ST8SIA6: variants seen among roughly 807,000 people sequenced by gnomAD.
ST8SIA6 encodes the protein alpha-2,8-sialyltransferase 8F.
In ST8SIA6, 39 loss-of-function variants were observed where a neutral mutation model predicts 33.6. The ratio of observed to expected loss-of-function variants is 1.16; its 90% confidence interval spans 0.90 to 1.52. The LOEUF is 1.52. Among genes scored for constraint, ST8SIA6 ranks in the 40% most tolerant of loss-of-function variants. ST8SIA6 has a pLI of 0.00. For synonymous variants in ST8SIA6, 172 were observed against 167.2 expected, an observed-to-expected ratio of 1.03 and a Z score of -0.22; for missense variants, 441 against 443.8, an observed-to-expected ratio of 0.99 and a Z score of 0.06.
chr10:17,362,691 T>A (rs1335772552), intron 3 of ST8SIA6, among the ~76,000 whole-genome samples: 1 of 152,126 alleles, frequency 6.6e-6, no homozygotes, highest in Non-Finnish European at 1.5e-5. Flanking sequence ...GCTGATTTGT[T>A]TTCATTAACC....
intron 2 of ST8SIA6, among the ~76,000 whole-genome samples, chr10:17,429,161 G>A (rs2131719304): frequency 6.6e-6 from 1 of 151,642 alleles, no homozygotes; most frequent in Middle Eastern, 3.4e-3. Context: ...TCATATTTTG[G>A]ACTACATCAA....
chr10:17,376,401 C>T (rs889230010), intron 3 of ST8SIA6, among the ~76,000 whole-genome samples: 1 of 152,018 alleles, frequency 6.6e-6, no homozygotes, highest in Non-Finnish European at 1.5e-5. Context: ...AGCAGTGTGT[C>T]TACTCTAACC....
At chr10:17,411,115 C>A (rs191751589) in intron 2 of ST8SIA6, among the ~76,000 whole-genome samples, 61 of 152,276 alleles carry the variant, frequency 4.0e-4, no homozygotes, top group African/African-American at 1.4e-3. Context: ...TGCAATCAAT[C>A]ACATGTCATT....
At chr10:17,399,917 CAAA>C (rs61580333) in intron 2 of ST8SIA6, among the ~76,000 whole-genome samples, 35 of 111,052 alleles carry the variant, frequency 3.2e-4, no homozygotes, top group Non-Finnish European at 3.4e-4. Context: ...GATTCTGTCT[CAAA>C]AAAAAAAAAA....
At chr10:17,384,593 C>G (rs1358251009) in intron 3 of ST8SIA6, among the ~76,000 whole-genome samples, 1 of 152,074 alleles carries the variant, frequency 6.6e-6, no homozygotes, top group African/African-American at 2.4e-5. Context: ...ACAGTTTGGA[C>G]CAAATTCTAA....
chr10:17,364,472 A>G (rs1445095152), intron 3 of ST8SIA6, among the ~76,000 whole-genome samples: 2 of 152,182 alleles, frequency 1.3e-5, no homozygotes, highest in African/African-American at 2.4e-5. Context: ...ACTCCCTGAG[A>G]TTAAGTGTTC....
rs1055986 is a variant in ST8SIA6, at chr10:17,315,757, A to G, written c.*5121T>C. On this transcript the variant is annotated 3_prime_UTR_variant, in exon 8 of 8. Transcript: ENST00000377602. ...ACGAGGGTGGGATGGACAGGGAGGA[A>G]GAAGAGGGAGGGATTACAAAGTAGC... Among the ~76,000 whole-genome samples the G allele has an allele frequency of 0.74, 112,313 of 151,816 alleles. 42,365 individuals carry two copies. Among genetic ancestry groups the G allele is most frequent in the East Asian group, 0.89 (4,622 of 5,188 alleles).
Position 17,331,397 on chromosome 10 carries a change from C to T in ST8SIA6, c.522+11G>A, listed in dbSNP as rs765120936. On this transcript the variant is annotated intron_variant, in intron 5 of 7. Transcript: ENST00000377602. The stretch of plus-strand genomic sequence containing the variant: ...GGTAACACAAATAACCCACCAGAAA[C>T]CTTTACTCACCACTGGAAACATATG... 46 of 1,603,816 alleles carry T rather than the reference C, an allele frequency of 2.9e-5. 1 individual carries two copies. Among genetic ancestry groups the T allele is most frequent in the South Asian group, 1.6e-4 (14 of 88,972 alleles).
intron 5 of ST8SIA6, 121 bp from the exon 6 acceptor site, chr10:17,327,247 A>C: frequency 1.4e-6 from 1 of 693,098 alleles, no homozygotes; most frequent in South Asian, 2.0e-5. Context: ...GAACAAGAAA[A>C]AGCAGCAGCC....
At chr10:17,390,315 G>A (rs757899796) in intron 3 of ST8SIA6, among the ~76,000 whole-genome samples, 7 of 152,078 alleles carry the variant, frequency 4.6e-5, no homozygotes, top group Admixed American at 2.0e-4. Flanking sequence ...TGCGGATCCA[G>A]GGACAAATAA....
chr10:17,354,449 C>T (rs1008054391), intron 4 of ST8SIA6, among the ~76,000 whole-genome samples: 1 of 152,094 alleles, frequency 6.6e-6, no homozygotes, highest in Non-Finnish European at 1.5e-5. Context: ...ATCAATCAAG[C>T]TTTTAAAAGC....
intron 2 of ST8SIA6, among the ~76,000 whole-genome samples, chr10:17,450,527 C>A (rs1852868723): frequency 6.6e-6 from 1 of 152,106 alleles, no homozygotes; most frequent in African/African-American, 2.4e-5. Context: ...TGCAACCTCC[C>A]CTTCGTTGGT....
At chr10:17,406,076 C>G (rs1421294265) in intron 2 of ST8SIA6, among the ~76,000 whole-genome samples, 1 of 152,020 alleles carries the variant, frequency 6.6e-6, no homozygotes, top group Non-Finnish European at 1.5e-5. Context: ...AGTATTTGTT[C>G]AAAGAAACCA....
At chr10:17,329,986 G>C (rs1302970609) in intron 5 of ST8SIA6, among the ~76,000 whole-genome samples, 2 of 152,134 alleles carry the variant, frequency 1.3e-5, no homozygotes, top group Non-Finnish European at 2.9e-5. Context: ...GTCCTGGAGA[G>C]TTTCATGCAG....
rs373026743 is a variant in ST8SIA6 at position 17,412,588 on chromosome 10, C to G, written c.201-21968G>C. 4.0e-4 allele frequency among the ~76,000 whole-genome samples: 61 copies of G among 152,334 alleles called. 1 individual carries two copies. Among genetic ancestry groups the G allele is most frequent in the African/African-American group, 1.4e-3 (57 of 41,562 alleles). ...TGTTTGAGCCTAGGGGAGCCAGTCACTGCTACATCAATGGCTGCATCACGG... is the reference window on the plus strand; with the variant it reads ...TGTTTGAGCCTAGGGGAGCCAGTCAGTGCTACATCAATGGCTGCATCACGG... On this transcript the variant is annotated intron_variant, in intron 2 of 7. Coordinates refer to ENST00000377602, the MANE Select transcript of ST8SIA6 (RefSeq NM_001004470.3).
In ST8SIA6 at chr10:17,321,393, A is replaced by C. The variant is rs1847945159; in HGVS notation, c.729-47T>G. On this transcript the variant is annotated intron_variant, in intron 7 of 7. Coordinates refer to ENST00000377602, the MANE Select transcript of ST8SIA6 (RefSeq NM_001004470.3). ...ATAGTAATCCCAAGAATAATAATCA[A>C]AGTAGCAGTTTTGATAACATAAAGC... 3 of 1,461,264 alleles carry C rather than the reference A, an allele frequency of 2.1e-6. No homozygotes were observed. The African/African-American group carries it at 4.3e-5, about 21-fold the overall frequency. 90.5% of individuals were successfully genotyped at this position (1,461,264 alleles called of 1,614,324 possible). A position where few individuals can be genotyped will look rare whatever the true frequency, so the allele number is the denominator to read the frequency against.
At position 17,327,239 on chromosome 10, in the gene ST8SIA6, A is replaced by C. The variant is rs985712552; in HGVS notation, c.523-113T>G. On this transcript the variant is annotated intron_variant, in intron 5 of 7. Transcript: ENST00000377602. The stretch of plus-strand genomic sequence containing the variant: ...ATACATGCTAAGGAGAAGAATACGA[A>C]CAAGAAAAAGCAGCAGCCCAGTTTG... 1.5e-4 allele frequency: 116 copies of C among 755,450 alleles called. No individual in the cohort carries two copies. In the African/African-American group the frequency reaches 2.0e-3, roughly 13 times the overall value. The allele number at this position is 755,450 out of a possible 1,614,324, so 46.8% of individuals were successfully genotyped here. A position where few individuals can be genotyped will look rare whatever the true frequency, so the allele number is the denominator to read the frequency against.
intron 3 of ST8SIA6, among the ~76,000 whole-genome samples, chr10:17,360,167 C>T (rs1392586450): frequency 6.6e-6 from 1 of 152,144 alleles, no homozygotes; most frequent in East Asian, 1.9e-4. Context: ...CCTGGTAGAT[C>T]TCTCCCTGTC....
chr10:17,381,242 T>G (rs1177428684), intron 3 of ST8SIA6, among the ~76,000 whole-genome samples: 1 of 152,162 alleles, frequency 6.6e-6, no homozygotes, highest in Non-Finnish European at 1.5e-5. Context: ...TTGATTTTCA[T>G]CTGAGTTGTT....
Sources: gnomAD v4.1 joint callset for allele counts (sites outside exome capture counted in the v4.1 genomes callset) on GRCh38, gnomAD v4.1.1 for gene constraint, MANE v1.5 for transcripts, NCBI Gene and HGNC (gene_info 2026-07-23, HGNC 2026-07-21) for gene names.